The following RAD51B variants were observed in gnomAD, a reference collection of about 807,000 sequenced individuals.
RAD51B encodes the protein RAD51 paralog B.
RAD51B carries 38 observed loss-of-function variants against 42.2 expected under a neutral mutation model. The observed-to-expected ratio is 0.90, with a 90% CI of 0.70 to 1.18. The LOEUF (loss-of-function observed/expected upper bound fraction) is 1.18, where lower values mean the gene tolerates loss of function less well. Among genes scored for constraint, RAD51B ranks in the 50% most tolerant of loss-of-function variants. The pLI is 0.00. For synonymous variants in RAD51B, 154 were observed against 145.2 expected (o/e 1.06, Z -0.43); for missense variants, 373 against 400.7 (o/e 0.93, Z 0.59).
At chr14:67,867,990 A>G (rs528723128) in intron 5 of RAD51B, among the ~76,000 whole-genome samples, 1 of 152,354 alleles carries the variant, frequency 6.6e-6, no homozygotes. Flanking sequence ...TCCTATAAAT[A>G]TCTAGATATC....
At chr14:68,447,727 A>G (rs2085455246) in intron 9 of RAD51B, among the ~76,000 whole-genome samples, 1 of 152,080 alleles carries the variant, frequency 6.6e-6, no homozygotes, top group Non-Finnish European at 1.5e-5. Flanking sequence ...CATTCTATCC[A>G]TGACCTTTTT....
At chr14:67,992,571 ACT>A (rs2075313302) in intron 7 of RAD51B, among the ~76,000 whole-genome samples, 1 of 152,028 alleles carries the variant, frequency 6.6e-6, no homozygotes, top group Non-Finnish European at 1.5e-5. Flanking sequence ...ATACCAATTT[ACT>A]CTCTGTCGTT....
At chr14:68,622,750 G>A (rs1891980941) in intron 10 of RAD51B, among the ~76,000 whole-genome samples, 2 of 146,056 alleles carry the variant, frequency 1.4e-5, no homozygotes, top group East Asian at 2.1e-4. Context: ...AAAACTGGAT[G>A]TCACGATTCC....
At chr14:68,254,468 G>C (rs1419976005) in intron 7 of RAD51B, among the ~76,000 whole-genome samples, 1 of 152,124 alleles carries the variant, frequency 6.6e-6, no homozygotes, top group African/African-American at 2.4e-5. Flanking sequence ...AACCACAGTA[G>C]TATTAGCTGT....
At chr14:68,186,754 A>G (rs2079165970) in intron 7 of RAD51B, among the ~76,000 whole-genome samples, 1 of 152,208 alleles carries the variant, frequency 6.6e-6, no homozygotes, top group Non-Finnish European at 1.5e-5. Context: ...ATGCATGTAC[A>G]CTGTTGGTGG....
intron 10 of RAD51B, among the ~76,000 whole-genome samples, chr14:68,507,032 G>C (rs1183761467): frequency 1.3e-5 from 2 of 152,114 alleles, no homozygotes; most frequent in Non-Finnish European, 2.9e-5. Flanking sequence ...GGTAGCAAAA[G>C]CTCTAGGTCT....
intron 7 of RAD51B, among the ~76,000 whole-genome samples, chr14:68,180,850 T>A (rs972166903): frequency 6.6e-6 from 1 of 152,186 alleles, no homozygotes; most frequent in African/African-American, 2.4e-5. Flanking sequence ...GGAACAACCA[T>A]ACTGGCTGCT....
At chr14:68,336,151 T>C (rs565152242) in intron 8 of RAD51B, among the ~76,000 whole-genome samples, 2 of 152,368 alleles carry the variant, frequency 1.3e-5, no homozygotes, top group South Asian at 2.1e-4. Context: ...ATGTCTGATA[T>C]ATAATGTATT....
intron 7 of RAD51B, among the ~76,000 whole-genome samples, chr14:68,134,840 A>C (rs2077975685): frequency 6.6e-6 from 1 of 151,034 alleles, no homozygotes; most frequent in Admixed American, 6.6e-5. Flanking sequence ...TCTTTGTCTG[A>C]TATATGGTTT....
chr14:68,215,045 AT>A (rs905286540), intron 7 of RAD51B, among the ~76,000 whole-genome samples: 1 of 152,324 alleles, frequency 6.6e-6, no homozygotes, highest in Admixed American at 6.5e-5. Context: ...TTTAGTTACC[AT>A]TTTCAAAAAA....
chr14:68,587,102 T>C (rs1023331405), intron 10 of RAD51B, among the ~76,000 whole-genome samples: 1 of 151,970 alleles, frequency 6.6e-6, no homozygotes, highest in African/African-American at 2.4e-5. Flanking sequence ...CTGCTATATG[T>C]CAGTGTTCCA....
intron 8 of RAD51B, among the ~76,000 whole-genome samples, chr14:68,328,758 G>A (rs997252234): frequency 3.9e-5 from 6 of 152,148 alleles, no homozygotes; most frequent in Non-Finnish European, 7.4e-5. Flanking sequence ...GAATTTGGCC[G>A]AGCCTTCTGG....
intron 7 of RAD51B, among the ~76,000 whole-genome samples, chr14:68,044,347 A>G (rs2140402935): frequency 6.6e-6 from 1 of 152,370 alleles, no homozygotes; most frequent in Non-Finnish European, 1.5e-5. Context: ...TGCTTCAAAT[A>G]GTGGGGTGAA....
chr14:67,904,971 A>G (rs1272205049), intron 7 of RAD51B, among the ~76,000 whole-genome samples: 2 of 147,244 alleles, frequency 1.4e-5, no homozygotes, highest in Non-Finnish European at 3.0e-5. Context: ...AGCCTTTGTC[A>G]TGAAATCTTT....
chr14:67,907,063 C>T (rs2043803435), intron 7 of RAD51B, among the ~76,000 whole-genome samples: 2 of 152,118 alleles, frequency 1.3e-5, no homozygotes, highest in South Asian at 4.1e-4. Flanking sequence ...CCCATCTTGG[C>T]CTCCCAAAGT....
chr14:68,158,386 A>G (rs1295243122), intron 7 of RAD51B, among the ~76,000 whole-genome samples: 1 of 152,226 alleles, frequency 6.6e-6, no homozygotes, highest in Non-Finnish European at 1.5e-5. Context: ...TTAGATTTCA[A>G]ACCTATGAAA....
intron 8 of RAD51B, among the ~76,000 whole-genome samples, chr14:68,373,572 A>C (rs747635204): frequency 6.6e-6 from 1 of 152,164 alleles, no homozygotes. Flanking sequence ...TAATGATGAG[A>C]ACACATGGAC....
At chr14:68,326,027 CTTTTTCTTTTCTTTTT>C (rs1414046775) in intron 8 of RAD51B, among the ~76,000 whole-genome samples, 2 of 51,636 alleles carry the variant, frequency 3.9e-5, no homozygotes, top group Non-Finnish European at 8.5e-5. Flanking sequence ...TGTTGTTATT[CTTTTTCTTTTCTTTTT>C]TTTTTTTTTT....
At chr14:68,099,421 G>A (rs937869756) in intron 7 of RAD51B, among the ~76,000 whole-genome samples, 2 of 152,220 alleles carry the variant, frequency 1.3e-5, no homozygotes, top group African/African-American at 4.8e-5. Context: ...ATGACCCTGA[G>A]TAAAACCTTC....
Sources: allele counts gnomAD v4.1 joint callset (sites outside exome capture counted in the v4.1 genomes callset), GRCh38; gene constraint gnomAD v4.1.1; transcripts MANE v1.5; gene names NCBI Gene and HGNC (gene_info 2026-07-23, HGNC 2026-07-21).